The following C10orf90 variants were observed in gnomAD, a reference collection of about 807,000 sequenced individuals.
The protein encoded by C10orf90 is chromosome 10 open reading frame 90.
C10orf90 carries 56 observed loss-of-function variants against 62.5 expected under a neutral mutation model. The observed-to-expected ratio is 0.90, with a 90% CI of 0.72 to 1.12. The LOEUF (loss-of-function observed/expected upper bound fraction) is 1.12. C10orf90 is among the 50% of genes most tolerant of loss of function. The pLI is 0.00. For synonymous variants in C10orf90, 386 were observed against 340.4 expected (o/e 1.13, Z -1.47); for missense variants, 970 against 880.4 (o/e 1.10, Z -1.29).
intron 2 of C10orf90, among the ~76,000 whole-genome samples, chr10:126,531,932 TA>T (rs935452708): frequency 6.6e-6 from 1 of 152,128 alleles, no homozygotes; most frequent in East Asian, 1.9e-4. Context: ...AATTTAATAA[TA>T]AAAAGACAAC....
At chr10:126,437,237 A>G (rs1857979878) in intron 7 of C10orf90, among the ~76,000 whole-genome samples, 1 of 152,222 alleles carries the variant, frequency 6.6e-6, no homozygotes, top group Non-Finnish European at 1.5e-5. Context: ...TGCAAAAGAT[A>G]TAAGGTTGTG....
chr10:126,487,181 A>T (rs1375894976), intron 4 of C10orf90, among the ~76,000 whole-genome samples: 1 of 150,944 alleles, frequency 6.6e-6, no homozygotes, highest in Non-Finnish European at 1.5e-5. Flanking sequence ...AAGAAAGAAC[A>T]AAAGAACGAC....
chr10:126,433,895 T>C (rs1025537635), intron 7 of C10orf90, among the ~76,000 whole-genome samples: 9 of 152,206 alleles, frequency 5.9e-5, no homozygotes, highest in African/African-American at 1.4e-4. Context: ...TTCCCTGATA[T>C]GGAGGGAAGA....
At chr10:126,606,091 A>C (rs1461839324) in intron 2 of C10orf90, among the ~76,000 whole-genome samples, 2 of 152,206 alleles carry the variant, frequency 1.3e-5, no homozygotes, top group Non-Finnish European at 2.9e-5. Context: ...GTTTCATGCT[A>C]CAGCATGAGA....
At chr10:126,599,630 G>C (rs961540060) in intron 2 of C10orf90, among the ~76,000 whole-genome samples, 3 of 151,834 alleles carry the variant, frequency 2.0e-5, no homozygotes, top group African/African-American at 7.3e-5. Context: ...CCCTAAGCTT[G>C]GTAGAGTTTT....
chr10:126,584,275 T>G (rs1844813132), intron 2 of C10orf90, among the ~76,000 whole-genome samples: 1 of 152,078 alleles, frequency 6.6e-6, no homozygotes, highest in Admixed American at 6.5e-5. Context: ...CCTGTCTACC[T>G]GTCTGCCTGT....
intron 2 of C10orf90, among the ~76,000 whole-genome samples, chr10:126,591,792 G>GA (rs1419128276): frequency 6.6e-6 from 1 of 152,084 alleles, no homozygotes; most frequent in Non-Finnish European, 1.5e-5. Flanking sequence ...CCCGTATCTA[G>GA]AAAATCCCAT....
chr10:126,473,314 T>C (rs1485594593), intron 4 of C10orf90, among the ~76,000 whole-genome samples: 2 of 152,230 alleles, frequency 1.3e-5, no homozygotes, highest in Admixed American at 6.5e-5. Context: ...GCACAGCTGG[T>C]TGCCTAACCA....
At chr10:126,624,353 A>G (rs373546790) in intron 2 of C10orf90, among the ~76,000 whole-genome samples, 10 of 152,108 alleles carry the variant, frequency 6.6e-5, no homozygotes, top group East Asian at 1.9e-4. Flanking sequence ...CTAAAAAAAA[A>G]AGAGAGAGAG....
chr10:126,477,076 A>ATTTTTTTTTTTTTTTTTTTTT (rs551973906), intron 4 of C10orf90, among the ~76,000 whole-genome samples: 1 of 56,484 alleles, frequency 1.8e-5, no homozygotes, highest in East Asian at 6.2e-4. Context: ...CGCCTGGCTA[A>ATTTTTTTTTTTTTTTTTTTTT]TTTTTTTTTT....
intron 2 of C10orf90, among the ~76,000 whole-genome samples, chr10:126,544,784 T>C (rs1211234698): frequency 6.6e-6 from 1 of 152,164 alleles, no homozygotes; most frequent in Non-Finnish European, 1.5e-5. Context: ...CATTCTTCCC[T>C]GATGGTGTAA....
intron 2 of C10orf90, chr10:126,521,529 G>A (rs557949748): frequency 1.6e-6 from 2 of 1,280,946 alleles, no homozygotes; most frequent in South Asian, 2.1e-5. Context: ...AGGGCAACCA[G>A]GGGAGGTGGC....
chr10:126,460,127 C>A (rs1329602532), intron 6 of C10orf90, among the ~76,000 whole-genome samples: 1 of 152,218 alleles, frequency 6.6e-6, no homozygotes, highest in Non-Finnish European at 1.5e-5. Context: ...TTGTCCCCAG[C>A]CTGAAGTACC....
intron 2 of C10orf90, among the ~76,000 whole-genome samples, chr10:126,559,756 A>G (rs571167034): frequency 3.4e-4 from 52 of 152,342 alleles, no homozygotes; most frequent in African/African-American, 1.3e-3. Flanking sequence ...TGTGATAAGT[A>G]CCAGCCAAGT....
At chr10:126,620,788 T>C (rs1845629852) in intron 2 of C10orf90, among the ~76,000 whole-genome samples, 1 of 152,002 alleles carries the variant, frequency 6.6e-6, no homozygotes, top group South Asian at 2.1e-4. Flanking sequence ...TCATTTGTTT[T>C]CATTTTGTTT....
chr10:126,442,637 A>G (rs28832271), intron 7 of C10orf90, among the ~76,000 whole-genome samples: 30 of 15,082 alleles, frequency 2.0e-3, no homozygotes, highest in Non-Finnish European at 2.8e-3. Context: ...GTGTGTGTAT[A>G]TATATATATA....
intron 2 of C10orf90, among the ~76,000 whole-genome samples, chr10:126,581,256 G>T (rs1021960389): frequency 6.6e-6 from 1 of 152,330 alleles, no homozygotes; most frequent in Non-Finnish European, 1.5e-5. Context: ...AAAGGAATTG[G>T]AAGGAAAAGG....
intron 2 of C10orf90, among the ~76,000 whole-genome samples, chr10:126,642,706 T>C (rs1846090169): frequency 6.6e-6 from 1 of 152,166 alleles, no homozygotes; most frequent in Non-Finnish European, 1.5e-5. Flanking sequence ...CACCCTCGTG[T>C]ACACCATGAT....
chr10:126,525,545 T>C (rs1424819336), intron 2 of C10orf90, among the ~76,000 whole-genome samples: 2 of 152,066 alleles, frequency 1.3e-5, no homozygotes, highest in Non-Finnish European at 2.9e-5. Flanking sequence ...GCTGGACAAA[T>C]GAGGTTGGGG....
Sources: allele counts gnomAD v4.1 joint callset (sites outside exome capture counted in the v4.1 genomes callset), GRCh38; gene constraint gnomAD v4.1.1; transcripts MANE v1.5; gene names NCBI Gene and HGNC (gene_info 2026-07-23, HGNC 2026-07-21).